The following COL20A1 variants were observed in gnomAD, a reference collection of about 807,000 sequenced individuals.
COL20A1 encodes the protein collagen alpha-1(XX) chain.
In COL20A1, 164 loss-of-function variants were observed where a neutral mutation model predicts 152.9. The ratio of observed to expected loss-of-function variants is 1.07; its 90% CI spans 0.94 to 1.22. COL20A1 has a LOEUF of 1.22. COL20A1 is among the 50% of genes most tolerant of loss of function. The pLI is 0.00. For missense variants in COL20A1, 1,873 were observed against 1,744.8 expected, an observed-to-expected ratio of 1.07 and a Z score of -1.31; for synonymous variants, 864 against 756.0, an observed-to-expected ratio of 1.14 and a Z score of -2.34.
chr20:63,315,923 A>AGT (rs2068078143), intron 20 of COL20A1, among the ~76,000 whole-genome samples: 1 of 152,222 alleles, frequency 6.6e-6, no homozygotes, highest in Non-Finnish European at 1.5e-5. Context: ...GATAAGCTGC[A>AGT]GTGTGAATGG....
At position 63,312,894 on chromosome 20, in the gene COL20A1, A is replaced by G. The variant is rs1351092104; in HGVS notation, c.2036A>G (p.Gln679Arg). Reference protein sequence around the residue: ...AAAPSGVLVYQITWTPLGEGK... With the variant: ...AAAPSGVLVYRITWTPLGEGK... ...GCCCCGTCTGGCGTGCTTGTCTACC[A>G]GATCACGTGGACGCCCCTGGGAGAG... is the stretch of plus-strand genomic sequence containing the variant. Residue 679 changes from glutamine to arginine, a missense_variant, in exon 16 of 36, where the codon CAG (glutamine) becomes CGG (arginine). Physicochemically the swap from Gln to Arg is conservative, Grantham distance 43. Transcript: ENST00000358894. The G allele has an allele frequency of 2.6e-6, 4 of 1,558,446 alleles. No individual in the cohort carries two copies. The highest frequency in any genetic ancestry group is 4.8e-5 in the East Asian group (2 of 41,530).
chr20:63,300,118 AT>A (rs1364438893), intron 3 of COL20A1, among the ~76,000 whole-genome samples: 3 of 152,064 alleles, frequency 2.0e-5, no homozygotes, highest in Non-Finnish European at 4.4e-5. Context: ...ATTTGCAAAT[AT>A]TTCATTTAAG....
Position 63,329,599 on chromosome 20 carries a change from G to T in COL20A1, c.3796G>T (p.Val1266Phe), listed in dbSNP as rs757609226. The change falls in exon 35 of 36, where the codon GTT (valine) becomes TTT (phenylalanine). Residue 1266 changes from valine (V) to phenylalanine (F), a missense_variant. By Grantham distance (50) the Val-to-Phe change is conservative (BLOSUM62 -1). Coordinates refer to ENST00000358894, the MANE Select transcript of COL20A1 (RefSeq NM_020882.4). ...TTTCCTCGCAGGGGAGCCTGGAGCTGTTGGTCAGATGGGCAGCCCTGGGCA... is the reference window on the plus strand; with the variant it reads ...TTTCCTCGCAGGGGAGCCTGGAGCTTTTGGTCAGATGGGCAGCCCTGGGCA... ...HLEGRGEPGA[V>F]GQMGSPGQQG... 4.3e-6 allele frequency: 7 copies of T among 1,609,552 alleles called. No homozygotes were observed. The South Asian group carries it at 6.6e-5, about 15-fold the overall frequency.
rs1249496682 is a variant in COL20A1 at position 63,311,258 on chromosome 20, T to TG, written c.1394-133dup. On this transcript the variant is annotated intron_variant, in intron 11 of 35. Coordinates refer to ENST00000358894, the MANE Select transcript of COL20A1 (RefSeq NM_020882.4). The surrounding 1 kb of genome is among the most constrained non-coding windows in gnomAD (Gnocchi z 4.4). The stretch of plus-strand genomic sequence containing the variant: ...ACAAACCTTGGCCCAAGGTGAAGCC[T>TG]GGGAAGTGCCACTTTGAATCCTGTG... 5.0e-6 allele frequency: 5 copies of TG among 996,840 alleles called. No individual in the cohort carries two copies. The highest frequency in any genetic ancestry group is 5.7e-6 in the Non-Finnish European group (4 of 699,096). 61.7% of individuals were successfully genotyped at this position (996,840 alleles called of 1,614,324 possible). A position where few individuals can be genotyped will look rare whatever the true frequency, so the allele number is the denominator to read the frequency against.
Position 63,298,070 on chromosome 20 carries a change from G to A in COL20A1, c.193+50G>A, listed in dbSNP as rs541635854. 645 of 1,334,998 alleles carry A rather than the reference G, an allele frequency of 4.8e-4. 2 individuals carry two copies. The highest frequency in any genetic ancestry group is 1.3e-4 in the Non-Finnish European group (120 of 947,260). The allele number at this position is 1,334,998 out of a possible 1,614,324, so 82.7% of individuals were successfully genotyped here. ...CCCTTCCCCATTAGCACGTGCCGAG[G>A]ACAGTCAGTGTGGTGGCCGCAGCCA... On this transcript the variant is annotated intron_variant, in intron 3 of 35. Coordinates refer to ENST00000358894, the MANE Select transcript of COL20A1 (RefSeq NM_020882.4).
At chr20:63,294,303 G>A (rs180870714) in intron 1 of COL20A1, among the ~76,000 whole-genome samples, 3 of 151,502 alleles carry the variant, frequency 2.0e-5, no homozygotes, top group Non-Finnish European at 4.4e-5. Context: ...GGGCCTGGCA[G>A]CTGACATGCT....
At chr20:63,317,354 T>C (rs1403122067) in intron 21 of COL20A1, among the ~76,000 whole-genome samples, 1 of 151,208 alleles carries the variant, frequency 6.6e-6, no homozygotes, top group Non-Finnish European at 1.5e-5. Flanking sequence ...TATTCCCAGC[T>C]ACTCGGGAGG....
At chr20:63,316,745 G>C in intron 21 of COL20A1, 54 bp downstream of exon 21, 1 of 1,282,406 alleles carries the variant, frequency 7.8e-7, no homozygotes, top group Non-Finnish European at 1.0e-6. Flanking sequence ...GGCCGCTGAA[G>C]ATTAGGAGGA....
rs759489156 is a variant in COL20A1, at chr20:63,334,580, G to A, written c.*3864G>A. 1.3e-5 allele frequency: 2 copies of A among 152,160 alleles called. No individual in the cohort carries two copies. The highest frequency in any genetic ancestry group is 2.9e-5 in the Non-Finnish European group (2 of 68,034). The allele number at this position is 152,160 out of a possible 1,614,324, so 9.4% of individuals were successfully genotyped here. Reference sequence around the variant, plus strand: ...CCACAGGCGTGCGCCACCACGCTTGGCTAATGTTTTTTGTATTTTTTTAAA... The same window carrying A: ...CCACAGGCGTGCGCCACCACGCTTGACTAATGTTTTTTGTATTTTTTTAAA... On this transcript the variant is annotated 3_prime_UTR_variant, in exon 36 of 36. Transcript: ENST00000358894.
intron 34 of COL20A1, chr20:63,329,351 C>T: frequency 1.7e-6 from 1 of 576,518 alleles, no homozygotes; most frequent in Non-Finnish European, 3.1e-6. Flanking sequence ...AGGGCCCCCA[C>T]CTGACGCCTT....
intron 2 of COL20A1, among the ~76,000 whole-genome samples, chr20:63,297,546 G>A (rs951558998): frequency 2.6e-5 from 4 of 152,104 alleles, no homozygotes; most frequent in Admixed American, 6.5e-5. Context: ...ATCATCAGTG[G>A]GGTGGTTGCT....
rs542379916 is a variant in COL20A1, at chr20:63,293,674, C to A, written c.-11+399C>A. Reference sequence around the variant, plus strand: ...GACTTGGGGGCACTCGGGCTGCCCACTGGTGCCTCTGTGATCAGTTTGGGA... The same window carrying A: ...GACTTGGGGGCACTCGGGCTGCCCAATGGTGCCTCTGTGATCAGTTTGGGA... On this transcript the variant is annotated intron_variant, in intron 1 of 35. Transcript: ENST00000358894. Among the ~76,000 whole-genome samples, 182 of 152,208 alleles carry A rather than the reference C, an allele frequency of 1.2e-3. 1 individual carries two copies. Among genetic ancestry groups the A allele is most frequent in the African/African-American group, 4.1e-3 (170 of 41,534 alleles).
intron 3 of COL20A1, among the ~76,000 whole-genome samples, chr20:63,300,031 T>C (rs2067846876): frequency 6.6e-6 from 1 of 152,128 alleles, no homozygotes; most frequent in Non-Finnish European, 1.5e-5. Context: ...TCTTCTCACC[T>C]TGACCTCCCA....
Position 63,319,650 on chromosome 20 carries a change from C to A in COL20A1, c.2916+54C>A. 1 of 1,298,110 alleles carries A rather than the reference C, an allele frequency of 7.7e-7. No homozygotes were observed. The highest frequency in any genetic ancestry group is 1.1e-6 in the Non-Finnish European group (1 of 922,700). The allele number at this position is 1,298,110 out of a possible 1,614,324, so 80.4% of individuals were successfully genotyped here. Reference sequence around the variant, plus strand: ...CCGTTCCCCCAGCTCTGGGGCAGCCCAGCCCCACAGGGACCTGCCGGATGC... The same window carrying A: ...CCGTTCCCCCAGCTCTGGGGCAGCCAAGCCCCACAGGGACCTGCCGGATGC... On this transcript the variant is annotated intron_variant, in intron 23 of 35. Transcript: ENST00000358894. The surrounding 1 kb of genome is among the most constrained non-coding windows in gnomAD (Gnocchi z 4.4).
rs1243932677 is a variant in COL20A1 at position 63,319,629 on chromosome 20, TC to T, written c.2916+38del. 3 of 1,469,890 alleles carry T rather than the reference TC, an allele frequency of 2.0e-6. No homozygotes were observed. The highest frequency in any genetic ancestry group is 2.5e-5 in the East Asian group (1 of 40,544). 91.1% of individuals were successfully genotyped at this position (1,469,890 alleles called of 1,614,324 possible). ...TGCAGCTCGCGCCCCTCTCCCCCGTTCCCCCAGCTCTGGGGCAGCCCAGCCC... is the reference window on the plus strand; with the variant it reads ...TGCAGCTCGCGCCCCTCTCCCCCGTTCCCCAGCTCTGGGGCAGCCCAGCCC... On this transcript the variant is annotated intron_variant, in intron 23 of 35. Transcript: ENST00000358894. The surrounding 1 kb of genome is among the most constrained non-coding windows in gnomAD (Gnocchi z 4.4).
At chr20:63,310,032 G>C (rs1053622945) in intron 10 of COL20A1, 117 bp downstream of exon 10, 8 of 969,434 alleles carry the variant, frequency 8.3e-6, no homozygotes, top group East Asian at 8.0e-5. Context: ...GGCTGAGAAG[G>C]GGGTGTCGAG....
At chr20:63,294,148 G>C (rs77385431) in intron 1 of COL20A1, among the ~76,000 whole-genome samples, 1 of 5,426 alleles carries the variant, frequency 1.8e-4, no homozygotes, top group Admixed American at 1.4e-3. Context: ...GTGAGGGGAG[G>C]GGGAGTGCGG....
intron 34 of COL20A1, among the ~76,000 whole-genome samples, chr20:63,328,919 C>A (rs573421698): frequency 1.3e-5 from 2 of 152,092 alleles, no homozygotes; most frequent in East Asian, 3.9e-4. Context: ...GTCGCAGGCT[C>A]CCGTGACCTT....
At chr20:63,325,818 A>C in intron 29 of COL20A1, 97 bp downstream of exon 29, 1 of 1,132,454 alleles carries the variant, frequency 8.8e-7, no homozygotes, top group East Asian at 2.4e-5. Flanking sequence ...AGGGAGGGGG[A>C]GGTGCTTTCT....
Sources: allele counts gnomAD v4.1 joint callset (sites outside exome capture counted in the v4.1 genomes callset), GRCh38; gene constraint gnomAD v4.1.1; non-coding constraint Gnocchi (gnomAD v3.1); transcripts MANE v1.5; gene names NCBI Gene and HGNC (gene_info 2026-07-23, HGNC 2026-07-21).